Variants in SPTB observed in about 807,000 individuals in gnomAD.
The protein encoded by SPTB is spectrin beta, erythrocytic.
Under a neutral mutation model 256.2 loss-of-function variants are expected in SPTB, and 45 were observed. The ratio of observed to expected loss-of-function variants is 0.18; its 90% CI spans 0.14 to 0.23. The LOEUF is 0.23. Among genes scored for constraint, SPTB ranks in the 10% least tolerant of loss-of-function variants. The pLI is 1.00. For missense variants in SPTB, 2,715 were observed against 3,040.4 expected (o/e 0.89, Z 2.52); for synonymous variants, 1,231 against 1,243.1 (o/e 0.99, Z 0.21).
chr14:64,814,988 G>C (rs1037546082), intron 2 of SPTB, among the ~76,000 whole-genome samples: 7 of 151,914 alleles, frequency 4.6e-5, no homozygotes, highest in African/African-American at 1.7e-4. Context: ...CATATTCACA[G>C]CCCCTCAGGT....
intron 2 of SPTB, among the ~76,000 whole-genome samples, chr14:64,812,426 C>T (rs1201229227): frequency 2.6e-5 from 4 of 152,156 alleles, no homozygotes; most frequent in Admixed American, 6.5e-5. Context: ...GGAGCATTGG[C>T]CCCTGGATGC....
At chr14:64,769,968 A>G (rs2082253607) in intron 27 of SPTB, among the ~76,000 whole-genome samples, 1 of 152,248 alleles carries the variant, frequency 6.6e-6, no homozygotes, top group South Asian at 2.1e-4. Context: ...TCCCCAAAGA[A>G]GCCTGGGATT....
intron 1 of SPTB, among the ~76,000 whole-genome samples, chr14:64,860,553 T>G (rs1035898893): frequency 3.3e-5 from 5 of 151,962 alleles, no homozygotes; most frequent in African/African-American, 1.2e-4. Flanking sequence ...GTGTGTGACT[T>G]ATATTCTCAT....
At chr14:64,799,561 T>C (rs2082840351) in intron 9 of SPTB, among the ~76,000 whole-genome samples, 186 bp downstream of exon 9, 1 of 152,246 alleles carries the variant, frequency 6.6e-6, no homozygotes. Context: ...TGCTGGTTTC[T>C]CTAAGCTGAT....
rs267604023 is a variant in SPTB, at chr14:64,795,349, C to T, written c.1632G>A (p.Met544Ile). 1 of 1,609,418 alleles carries T rather than the reference C, an allele frequency of 6.2e-7. No individual in the cohort carries two copies. Among genetic ancestry groups the T allele is most frequent in the Non-Finnish European group, 8.5e-7 (1 of 1,179,976 alleles). Residue 544 changes from methionine (M) to isoleucine (I), a missense_variant, in exon 12 of 36, where the codon ATG (methionine) becomes ATA (isoleucine). By Grantham distance (10) the Met-to-Ile change is conservative. This residue lies in a region of SPTB where 2,239 missense variants were observed against 2,384.4 expected (regional missense o/e 0.94). Transcript: ENST00000644917. This position sits in a 1 kb window ranked among gnomAD's most constrained non-coding sequence, Gnocchi z 6.5. ...FQDMLHSIDWMDEIKAHLLSA... is the reference protein window; with the variant it reads ...FQDMLHSIDWIDEIKAHLLSA... Reference sequence around the variant, plus strand: ...CCCCAGGGCCCACCTTGATCTCATCCATCCAGTCGATGCTGTGCAGCATGT... The same window carrying T: ...CCCCAGGGCCCACCTTGATCTCATCTATCCAGTCGATGCTGTGCAGCATGT...
intron 3 of SPTB, among the ~76,000 whole-genome samples, chr14:64,804,423 C>T (rs2082944935): frequency 6.6e-6 from 1 of 152,210 alleles, no homozygotes; most frequent in African/African-American, 2.4e-5. Context: ...AAAGAGGGTC[C>T]TGCCTGATAG....
Position 64,795,186 on chromosome 14 carries a change from C to G in SPTB, c.1644+151G>C. 1 of 891,206 alleles carries G rather than the reference C, an allele frequency of 1.1e-6. No individual in the cohort carries two copies. Among genetic ancestry groups the G allele is most frequent in the Non-Finnish European group, 1.7e-6 (1 of 590,710 alleles). The allele number at this position is 891,206 out of a possible 1,614,324, so 55.2% of individuals were successfully genotyped here. A position where few individuals can be genotyped will look rare whatever the true frequency, so the allele number is the denominator to read the frequency against. On this transcript the variant is annotated intron_variant, in intron 12 of 35. Transcript: ENST00000644917. This position sits in a 1 kb window ranked among gnomAD's most constrained non-coding sequence, Gnocchi z 6.5. ...GGACCAAGAGGCAGAGAGGCAGGTG[C>G]AGCTAGACACTTTGCTGCCTCAGTT... is the stretch of plus-strand genomic sequence containing the variant.
At position 64,844,473 on chromosome 14, in the gene SPTB, T is replaced by C. The variant is rs1221269422; in HGVS notation, c.-51-21328A>G. On this transcript the variant is annotated intron_variant, in intron 1 of 35. Transcript: ENST00000644917. The surrounding 1 kb of genome is among the most constrained non-coding windows in gnomAD (Gnocchi z 4.1). ...TCCTTTCATCATCAGTGCTCTCCTG[T>C]GAGTGATTTTCACTTCTCCATTTTA... Among the ~76,000 whole-genome samples the C allele has an allele frequency of 6.6e-6, 1 of 152,226 alleles. No individual in the cohort carries two copies. The highest frequency in any genetic ancestry group is 1.5e-5 in the Non-Finnish European group (1 of 68,036).
intron 1 of SPTB, among the ~76,000 whole-genome samples, chr14:64,859,095 C>T (rs116658737): frequency 0.011 from 1,702 of 151,696 alleles, 39 homozygotes; most frequent in African/African-American, 0.04. Context: ...CCCATCTCTA[C>T]ACAAAAAAAT....
rs996866693 is a variant in SPTB at position 64,790,840 on chromosome 14, C to T, written c.2804+879G>A. Among the ~76,000 whole-genome samples, 9 of 152,212 alleles carry T rather than the reference C, an allele frequency of 5.9e-5. No homozygotes were observed. The highest frequency in any genetic ancestry group is 1.3e-4 in the Non-Finnish European group (9 of 68,044). On this transcript the variant is annotated intron_variant, in intron 15 of 35. Transcript: ENST00000644917. This position sits in a 1 kb window ranked among gnomAD's most constrained non-coding sequence, Gnocchi z 4.8. ...CAAAGATCCTCCAGGAACTCATGGG[C>T]AATTTCACCCCACACTGAAAGCACC...
At chr14:64,831,549 T>A (rs2083451038) in intron 1 of SPTB, among the ~76,000 whole-genome samples, 1 of 152,186 alleles carries the variant, frequency 6.6e-6, no homozygotes, top group African/African-American at 2.4e-5. Context: ...TGAATATAGA[T>A]GCTGATGTGG....
chr14:64,753,701 C>T lies in SPTB; in HGVS notation c.6438G>A (p.Arg2146=), dbSNP rs780451289. ...KDGQKSTGDE[R]PTTEPLFKVL... ...CCTTAAAGAGGGGCTCCGTGGTGGGCCTCTCATCCCCAGTGGATTTCTGCC... is the reference window on the plus strand; with the variant it reads ...CCTTAAAGAGGGGCTCCGTGGTGGGTCTCTCATCCCCAGTGGATTTCTGCC... The change falls in exon 33 of 36, where the codon AGG becomes AGA. Residue 2146 remains arginine, a synonymous_variant. Transcript: ENST00000644917. The T allele has an allele frequency of 2.5e-5, 41 of 1,613,672 alleles. No individual in the cohort carries two copies. Among genetic ancestry groups the T allele is most frequent in the South Asian group, 4.4e-5 (4 of 91,088 alleles).
rs1324903023 is a variant in SPTB at position 64,759,162 on chromosome 14, T to C, written c.6346-5369A>G. ...GTCAGTAGCAGAGCTGAGGCAAGAA[T>C]CCATGGCCCTGCTTCCTATCCACAC... On this transcript the variant is annotated intron_variant, in intron 32 of 35. Transcript: ENST00000644917. The surrounding 1 kb of genome is among the most constrained non-coding windows in gnomAD (Gnocchi z 4.8). 6.6e-6 allele frequency among the ~76,000 whole-genome samples: 1 copy of C among 152,120 alleles called. No individual in the cohort carries two copies. Among genetic ancestry groups the C allele is most frequent in the East Asian group, 1.9e-4 (1 of 5,186 alleles).
At chr14:64,819,371 C>A (rs953746992) in intron 2 of SPTB, among the ~76,000 whole-genome samples, 1 of 152,170 alleles carries the variant, frequency 6.6e-6, no homozygotes, top group South Asian at 2.1e-4. Flanking sequence ...CCAGTCACCC[C>A]AATTCAGGTC....
Position 64,866,187 on chromosome 14 carries a change from G to A in SPTB, c.-52+13605C>T, listed in dbSNP as rs185160925. 1.0e-3 allele frequency among the ~76,000 whole-genome samples: 158 copies of A among 152,284 alleles called. No homozygotes were observed. Among genetic ancestry groups the A allele is most frequent in the African/African-American group, 3.6e-3 (148 of 41,542 alleles). On this transcript the variant is annotated intron_variant, in intron 1 of 35. Coordinates refer to ENST00000644917, the MANE Select transcript of SPTB (RefSeq NM_001355436.2). This position sits in a 1 kb window ranked among gnomAD's most constrained non-coding sequence, Gnocchi z 4.6. ...TTCACTATGGCACCTAGTAATCCTC[G>A]AGATGGGGTGATGATCACTAGCATT...
In SPTB at chr14:64,799,813, G is replaced by A. The variant is rs750069570; in HGVS notation, c.998C>T (p.Ser333Leu). 12 of 1,614,110 alleles carry A rather than the reference G, an allele frequency of 7.4e-6. No individual in the cohort carries two copies. The highest frequency in any genetic ancestry group is 1.3e-5 in the African/African-American group (1 of 74,942). ...TVLNSRKFANSLTGVQQQLQA... is the reference protein window; with the variant it reads ...TVLNSRKFANLLTGVQQQLQA... ...CAGCTGCTGCTGGACGCCCGTCAGC[G>A]AGTTGGCAAACTTGCGGCTGTTCAG... Residue 333 changes from serine (S) to leucine (L), a missense_variant, in exon 9 of 36, where the codon TCG becomes TTG. Physicochemically the swap from Ser to Leu is moderately radical, Grantham distance 145. This residue lies in a region of SPTB where 416 missense variants were observed against 571.1 expected (regional missense o/e 0.73). Transcript: ENST00000644917.
In SPTB at chr14:64,772,428, C is replaced by G. The variant is rs1051850440; in HGVS notation, c.5553+152G>C. On this transcript the variant is annotated intron_variant, in intron 26 of 35. Coordinates refer to ENST00000644917, the MANE Select transcript of SPTB (RefSeq NM_001355436.2). The surrounding 1 kb of genome is among the most constrained non-coding windows in gnomAD (Gnocchi z 5.4). ...TCTGAAGCTAAGGAACATCTGAAAG[C>G]CACTGCTCCCAGCCCTGAGCTCCTG... 1.9e-6 allele frequency: 2 copies of G among 1,040,928 alleles called. No homozygotes were observed. Among genetic ancestry groups the G allele is most frequent in the African/African-American group, 3.2e-5 (2 of 62,078 alleles). 64.5% of individuals were successfully genotyped at this position (1,040,928 alleles called of 1,614,324 possible).
intron 1 of SPTB, among the ~76,000 whole-genome samples, chr14:64,846,392 T>C (rs944665729): frequency 6.6e-6 from 1 of 152,228 alleles, no homozygotes; most frequent in Non-Finnish European, 1.5e-5. Context: ...TTGCAGAATG[T>C]GCTCAGCTAA....
At chr14:64,875,461 G>C (rs1157868051) in intron 1 of SPTB, among the ~76,000 whole-genome samples, 1 of 152,122 alleles carries the variant, frequency 6.6e-6, no homozygotes, top group Non-Finnish European at 1.5e-5. Context: ...AGCAGAGCCA[G>C]ATCTGACAGT....
Sources: gnomAD v4.1 joint callset for allele counts (sites outside exome capture counted in the v4.1 genomes callset) on GRCh38, gnomAD v4.1.1 for gene constraint, gnomAD v4.1.1 regional missense constraint, Gnocchi (gnomAD v3.1) non-coding constraint, MANE v1.5 for transcripts, NCBI Gene and HGNC (gene_info 2026-07-23, HGNC 2026-07-21) for gene names.